Variants in CDKL3 observed in about 807,000 individuals in gnomAD.
The protein encoded by CDKL3 is cyclin dependent kinase like 3.
In CDKL3, 65 loss-of-function variants were observed where a neutral mutation model predicts 69.3. The ratio of observed to expected loss-of-function variants is 0.94; its 90% CI spans 0.77 to 1.15. The LOEUF (loss-of-function observed/expected upper bound fraction) is 1.15. CDKL3 is among the 50% of genes most tolerant of loss of function. The pLI is 0.00. For missense variants in CDKL3, 652 were observed against 689.2 expected, an observed-to-expected ratio of 0.95 and a Z score of 0.61; for synonymous variants, 202 against 221.6, an observed-to-expected ratio of 0.91 and a Z score of 0.79.
chr5:134,344,805 T>C (rs539128131), intron 4 of CDKL3, among the ~76,000 whole-genome samples: 8 of 152,266 alleles, frequency 5.3e-5, no homozygotes, highest in Non-Finnish European at 1.5e-5. Context: ...GGCTCACATC[T>C]GTAATCTCAG....
downstream of CDKL3, among the ~76,000 whole-genome samples, chr5:134,295,668 TAA>T (rs1580759415): frequency 6.6e-6 from 1 of 152,342 alleles, no homozygotes; most frequent in African/African-American, 2.4e-5. Flanking sequence ...AATATTATAA[TAA>T]GTTATGTTTT....
At chr5:134,371,023 G>C (rs1021083100), upstream of CDKL3, 1 of 167,846 alleles carries the variant, frequency 6.0e-6, no homozygotes, top group African/African-American at 2.4e-5. Context: ...ATCCAGGCGA[G>C]GCGCTCACGT....
At chr5:134,364,519 C>T (rs1756899669) in intron 2 of CDKL3, among the ~76,000 whole-genome samples, 1 of 147,484 alleles carries the variant, frequency 6.8e-6, no homozygotes, top group Non-Finnish European at 1.5e-5. Flanking sequence ...TCTTTCATGT[C>T]TTTTTTTTTT....
chr5:134,309,400 T>C (rs577222669), intron 7 of CDKL3, among the ~76,000 whole-genome samples: 48 of 152,320 alleles, frequency 3.2e-4, no homozygotes, highest in African/African-American at 1.0e-3. Context: ...TTTAAAGTAA[T>C]AGAACTTTAA....
chr5:134,342,967 G>T (rs570367205), intron 4 of CDKL3, among the ~76,000 whole-genome samples: 37 of 152,364 alleles, frequency 2.4e-4, no homozygotes, highest in African/African-American at 8.4e-4. Context: ...TGCTTTGGGA[G>T]TCCAAGGCAG....
chr5:134,289,920 TTC>T (rs777710903), intron 8 of CDKL3, among the ~76,000 whole-genome samples: 4 of 152,194 alleles, frequency 2.6e-5, no homozygotes, highest in Admixed American at 6.6e-5. Context: ...TATTTCATTC[TTC>T]TGTTTTTTTT....
downstream of CDKL3, among the ~76,000 whole-genome samples, chr5:134,297,669 C>A (rs994432172): frequency 6.6e-6 from 1 of 151,518 alleles, no homozygotes; most frequent in Non-Finnish European, 1.5e-5. Flanking sequence ...ACAACCTCCG[C>A]CTCCCGGGTT....
intron 4 of CDKL3, among the ~76,000 whole-genome samples, chr5:134,326,632 A>G (rs536378870): frequency 2.4e-4 from 37 of 151,626 alleles, no homozygotes; most frequent in African/African-American, 8.5e-4. Context: ...TTAGTTTATC[A>G]CTGAAACTAG....
intron 11 of CDKL3, among the ~76,000 whole-genome samples, chr5:134,303,267 G>A (rs1766818816): frequency 6.6e-6 from 1 of 151,868 alleles, no homozygotes; most frequent in African/African-American, 2.4e-5. Flanking sequence ...AATAGAGATG[G>A]GGTTTTGCCA....
intron 4 of CDKL3, among the ~76,000 whole-genome samples, chr5:134,337,358 A>T (rs1205217061): frequency 6.6e-6 from 1 of 152,140 alleles, no homozygotes; most frequent in African/African-American, 2.4e-5. Context: ...TGTGGGCCGT[A>T]CCCACTGTCC....
chr5:134,320,459 T>A (rs114199965), intron 5 of CDKL3, among the ~76,000 whole-genome samples: 1 of 151,896 alleles, frequency 6.6e-6, no homozygotes, highest in Non-Finnish European at 1.5e-5. Context: ...GTGCCTGTAG[T>A]CCCAGCCACT....
chr5:134,297,486 G>C (rs1320833806), downstream of CDKL3, among the ~76,000 whole-genome samples: 1 of 151,970 alleles, frequency 6.6e-6, no homozygotes, highest in Non-Finnish European at 1.5e-5. Context: ...TTAGACCAGA[G>C]ATGCTGCTAA....
At chr5:134,299,771 G>A in intron 12 of CDKL3, 1 of 1,451,300 alleles carries the variant, frequency 6.9e-7, no homozygotes. Context: ...AATAGAAACA[G>A]GTCTTTAATT....
chr5:134,355,090 A>G (rs1290396531), intron 3 of CDKL3, among the ~76,000 whole-genome samples: 1 of 149,912 alleles, frequency 6.7e-6, no homozygotes, highest in Non-Finnish European at 1.5e-5. Flanking sequence ...CCTTGGCACT[A>G]CTAAAAATTA....
chr5:134,284,710 A>T (rs912038402), downstream of CDKL3, among the ~76,000 whole-genome samples: 1 of 152,192 alleles, frequency 6.6e-6, no homozygotes, highest in Non-Finnish European at 1.5e-5. Flanking sequence ...CTGGGAAGGC[A>T]TTCCTTTCCC....
At chr5:134,345,396 A>G (rs1008274185) in intron 4 of CDKL3, among the ~76,000 whole-genome samples, 3 of 152,188 alleles carry the variant, frequency 2.0e-5, no homozygotes, top group African/African-American at 7.2e-5. Flanking sequence ...GGTCACAAGG[A>G]AAGTATCAGA....
chr5:134,304,052 C>T (rs940632662), intron 11 of CDKL3, among the ~76,000 whole-genome samples: 6 of 151,770 alleles, frequency 4.0e-5, no homozygotes, highest in African/African-American at 1.2e-4. Context: ...CCTACCTCAG[C>T]CTCTGGAGTA....
intron 3 of CDKL3, among the ~76,000 whole-genome samples, chr5:134,354,895 T>C (rs1297472171): frequency 3.3e-5 from 5 of 151,092 alleles, no homozygotes; most frequent in Non-Finnish European, 5.9e-5. Context: ...TGCAGTGAGC[T>C]GAGATCGTGC....
chr5:134,283,826 A>G (rs1293527974), downstream of CDKL3, among the ~76,000 whole-genome samples: 1 of 152,124 alleles, frequency 6.6e-6, no homozygotes, highest in East Asian at 1.9e-4. Flanking sequence ...AATCAAAAGC[A>G]AGTTATTTAC....
Sources: gnomAD v4.1 joint callset for allele counts (sites outside exome capture counted in the v4.1 genomes callset) on GRCh38, gnomAD v4.1.1 for gene constraint, MANE v1.5 for transcripts, NCBI Gene and HGNC (gene_info 2026-07-23, HGNC 2026-07-21) for gene names.